PIK3CG: variants seen among roughly 807,000 people sequenced by gnomAD.
PIK3CG encodes phosphatidylinositol 4,5-bisphosphate 3-kinase catalytic subunit gamma isoform.
A neutral mutation model predicts 102.3 loss-of-function variants in PIK3CG; 55 were observed. The observed-to-expected ratio is 0.54, with a 90% confidence interval of 0.43 to 0.67. The LOEUF (loss-of-function observed/expected upper bound fraction) is 0.67. PIK3CG is among the 30% of genes least tolerant of loss of function. The probability of loss-of-function intolerance (pLI) is 0.00; values close to 1 mark genes in which losing one functional copy is unlikely to be tolerated. For synonymous variants in PIK3CG, 552 were observed against 540.0 expected, an observed-to-expected ratio of 1.02 and a Z score of -0.31; for missense variants, 1,258 against 1,391.8, an observed-to-expected ratio of 0.90 and a Z score of 1.53.
rs1011813157 is a variant in PIK3CG, at chr7:106,867,433, C to T, written c.-12-117C>T. The T allele has an allele frequency of 4.4e-6, 4 of 905,020 alleles. No homozygotes were observed. The Admixed American group carries it at 9.8e-5, about 22-fold the overall frequency. The allele number at this position is 905,020 out of a possible 1,614,324, so 56.1% of individuals were successfully genotyped here. On this transcript the variant is annotated intron_variant, in intron 1 of 10. Coordinates refer to ENST00000496166, the MANE Select transcript of PIK3CG (RefSeq NM_001282426.2). The surrounding 1 kb of genome is among the most constrained non-coding windows in gnomAD (Gnocchi z 5.1). ...TGCTTCCAGTTTAAAATACTTGGTCCCTCTGGGTCCCTGTGCACATGTACG... is the reference window on the plus strand; with the variant it reads ...TGCTTCCAGTTTAAAATACTTGGTCTCTCTGGGTCCCTGTGCACATGTACG...
chr7:106,874,880 TAA>T lies in PIK3CG; in HGVS notation c.2391+80_2391+81del, dbSNP rs1790674686. On this transcript the variant is annotated intron_variant, in intron 5 of 10. Transcript: ENST00000496166. This position sits in a 1 kb window ranked among gnomAD's most constrained non-coding sequence, Gnocchi z 4.3. ...AACGTGCTTGCTGGGGCCCAGTACTTAAAAGCTAATGTTTATGCAGAGACAGG... is the reference window on the plus strand; with the variant it reads ...AACGTGCTTGCTGGGGCCCAGTACTTAAGCTAATGTTTATGCAGAGACAGG... The T allele has an allele frequency of 3.4e-6, 3 of 890,508 alleles. No individual in the cohort carries two copies. The East Asian group carries it at 7.4e-5, about 22-fold the overall frequency. The allele number at this position is 890,508 out of a possible 1,614,324, so 55.2% of individuals were successfully genotyped here. A position where few individuals can be genotyped will look rare whatever the true frequency, so the allele number is the denominator to read the frequency against.
At position 106,869,995 on chromosome 7, in the gene PIK3CG, G is replaced by A. The variant is rs1232787894; in HGVS notation, c.1995+439G>A. On this transcript the variant is annotated intron_variant, in intron 2 of 10. Coordinates refer to ENST00000496166, the MANE Select transcript of PIK3CG (RefSeq NM_001282426.2). This position sits in a 1 kb window ranked among gnomAD's most constrained non-coding sequence, Gnocchi z 5.3. ...GGAAACTGAGGTACAAAGAGGCTAA[G>A]TAATGTGCCCAAGGTCACATACTTT... Among the ~76,000 whole-genome samples, 1 of 152,176 alleles carries A rather than the reference G, an allele frequency of 6.6e-6. No homozygotes were observed. Among genetic ancestry groups the A allele is most frequent in the Admixed American group, 6.5e-5 (1 of 15,280 alleles).
At position 106,883,252 on chromosome 7, in the gene PIK3CG, C is replaced by T. The variant is rs2116547644; in HGVS notation, c.2760+89C>T. On this transcript the variant is annotated intron_variant, in intron 8 of 10. Transcript: ENST00000496166. The surrounding 1 kb of genome is among the most constrained non-coding windows in gnomAD (Gnocchi z 5.8). ...GGCTTCAAGTTTTCAGAGAATCTGC[C>T]AGTGTCTTGCCTCCTGACATATTAG... 1 of 1,361,196 alleles carries T rather than the reference C, an allele frequency of 7.3e-7. No homozygotes were observed. The allele number at this position is 1,361,196 out of a possible 1,614,324, so 84.3% of individuals were successfully genotyped here.
chr7:106,876,882 G>T (rs1220816553), intron 5 of PIK3CG, among the ~76,000 whole-genome samples: 2 of 152,030 alleles, frequency 1.3e-5, no homozygotes, highest in Non-Finnish European at 2.9e-5. Flanking sequence ...TAAATGGTTT[G>T]TGCTTTTAGT....
Position 106,884,977 on chromosome 7 carries a change from T to C in PIK3CG, c.2872+711T>C, listed in dbSNP as rs140402499. On this transcript the variant is annotated intron_variant, in intron 9 of 10. Transcript: ENST00000496166. The surrounding 1 kb of genome is among the most constrained non-coding windows in gnomAD (Gnocchi z 4.2). ...CGTGCACAGTTCACAATAGGGTTTG[T>C]GTTCCTATGAGAATCTAATGCTGCA... 3.9e-5 allele frequency among the ~76,000 whole-genome samples: 6 copies of C among 152,302 alleles called. No individual in the cohort carries two copies. Among genetic ancestry groups the C allele is most frequent in the African/African-American group, 1.4e-4 (6 of 41,550 alleles).
intron 5 of PIK3CG, among the ~76,000 whole-genome samples, chr7:106,876,027 G>T (rs1790723966): frequency 1.4e-5 from 2 of 147,450 alleles, no homozygotes; most frequent in Admixed American, 6.9e-5. Flanking sequence ...CCATTCTCCT[G>T]CCTCAGCCTC....
Position 106,866,963 on chromosome 7 carries a change from G to A in PIK3CG, c.-12-587G>A, listed in dbSNP as rs544184620. Reference sequence around the variant, plus strand: ...GGGTGAGGTGTCTGGGTTCCAAGAAGTGTGAGACTTAACAAAGAGGAAGTA... The same window carrying A: ...GGGTGAGGTGTCTGGGTTCCAAGAAATGTGAGACTTAACAAAGAGGAAGTA... On this transcript the variant is annotated intron_variant, in intron 1 of 10. Coordinates refer to ENST00000496166, the MANE Select transcript of PIK3CG (RefSeq NM_001282426.2). Among the ~76,000 whole-genome samples the A allele has an allele frequency of 1.1e-3, 173 of 152,310 alleles. 1 individual carries two copies. Among genetic ancestry groups the A allele is most frequent in the African/African-American group, 3.8e-3 (160 of 41,560 alleles).
intron 10 of PIK3CG, 48 bp downstream of exon 10, chr7:106,886,340 G>A (rs1172189492): frequency 5.6e-6 from 9 of 1,596,748 alleles, no homozygotes; most frequent in Non-Finnish European, 7.7e-6. Flanking sequence ...CGAAGCAGAT[G>A]GTTCCTGCAG....
chr7:106,882,445 T>C (rs1790968877), intron 7 of PIK3CG: 1 of 305,530 alleles, frequency 3.3e-6, no homozygotes, highest in Non-Finnish European at 5.9e-6. Context: ...TAAGAACTTG[T>C]TCCCTCCTCT....
At chr7:106,870,820 T>G (rs998442428) in intron 2 of PIK3CG, among the ~76,000 whole-genome samples, 1 of 152,212 alleles carries the variant, frequency 6.6e-6, no homozygotes. Flanking sequence ...AACATTACAT[T>G]TGGCTTTGTT....
In PIK3CG at chr7:106,902,596, T is replaced by A. The variant is rs1488140188; in HGVS notation, c.3031-2513T>A. The stretch of plus-strand genomic sequence containing the variant: ...GTAAATTTTCCATCTCATTTTAAGT[T>A]ACTTTTTTTAATATTAATGAAGTTG... On this transcript the variant is annotated intron_variant, in intron 10 of 10. Coordinates refer to ENST00000496166, the MANE Select transcript of PIK3CG (RefSeq NM_001282426.2). The surrounding 1 kb of genome is among the most constrained non-coding windows in gnomAD (Gnocchi z 4.3). Among the ~76,000 whole-genome samples, 1 of 152,080 alleles carries A rather than the reference T, an allele frequency of 6.6e-6. No homozygotes were observed. Among genetic ancestry groups the A allele is most frequent in the African/African-American group, 2.4e-5 (1 of 41,416 alleles).
chr7:106,881,265 T>C (rs1020376727), intron 6 of PIK3CG, among the ~76,000 whole-genome samples: 4 of 152,146 alleles, frequency 2.6e-5, no homozygotes, highest in African/African-American at 9.7e-5. Flanking sequence ...TTGGGGCACA[T>C]AGTTTGGCAG....
chr7:106,901,993 C>T (rs927573237), intron 10 of PIK3CG, among the ~76,000 whole-genome samples: 3 of 152,188 alleles, frequency 2.0e-5, no homozygotes, highest in African/African-American at 7.2e-5. Context: ...TTCTCTCCCC[C>T]TTGAGTGCTG....
rs1474831295 is a variant in PIK3CG, at chr7:106,880,741, C to T, written c.2538+1076C>T. Among the ~76,000 whole-genome samples, 2 of 151,986 alleles carry T rather than the reference C, an allele frequency of 1.3e-5. No homozygotes were observed. Among genetic ancestry groups the T allele is most frequent in the Non-Finnish European group, 2.9e-5 (2 of 68,026 alleles). On this transcript the variant is annotated intron_variant, in intron 6 of 10. Transcript: ENST00000496166. The surrounding 1 kb of genome is among the most constrained non-coding windows in gnomAD (Gnocchi z 4.2). ...TCGCCCAGGTTGGAATACAGTGGCA[C>T]GATCACAGCCCACTGCAGCCTCAAA...
rs550682178 is a variant in PIK3CG at position 106,875,077 on chromosome 7, G to A, written c.2391+274G>A. ...AAAATGTAGAATTCAGGGAACAGGC[G>A]CGGTAGCTCACGCCTGTAATCCCAG... On this transcript the variant is annotated intron_variant, in intron 5 of 10. Coordinates refer to ENST00000496166, the MANE Select transcript of PIK3CG (RefSeq NM_001282426.2). 2.8e-3 allele frequency among the ~76,000 whole-genome samples: 420 copies of A among 152,222 alleles called. 5 individuals are homozygous for A. Among genetic ancestry groups the A allele is most frequent in the African/African-American group, 8.8e-3 (366 of 41,532 alleles).
At chr7:106,885,719 C>T (rs1013989810) in intron 9 of PIK3CG, among the ~76,000 whole-genome samples, 3 of 151,926 alleles carry the variant, frequency 2.0e-5, no homozygotes, top group East Asian at 1.9e-4. Flanking sequence ...ATGGTATGGC[C>T]GTAGATGGCT....
At chr7:106,870,225 A>C (rs931347411) in intron 2 of PIK3CG, among the ~76,000 whole-genome samples, 4 of 152,194 alleles carry the variant, frequency 2.6e-5, no homozygotes, top group Admixed American at 1.3e-4. Flanking sequence ...AGAGTCTTGA[A>C]AGCTCCTCTC....
chr7:106,889,986 C>T (rs1014979362), intron 10 of PIK3CG, among the ~76,000 whole-genome samples: 2 of 152,260 alleles, frequency 1.3e-5, no homozygotes, highest in African/African-American at 4.8e-5. Flanking sequence ...AAATTCTCCA[C>T]AGAAAAATCT....
intron 2 of PIK3CG, among the ~76,000 whole-genome samples, chr7:106,870,231 C>G (rs1790486111): frequency 6.6e-6 from 1 of 152,188 alleles, no homozygotes. Flanking sequence ...TTGAAAGCTC[C>G]TCTCTGCAGA....
Sources: allele counts gnomAD v4.1 joint callset (sites outside exome capture counted in the v4.1 genomes callset), GRCh38; gene constraint gnomAD v4.1.1; non-coding constraint Gnocchi (gnomAD v3.1); transcripts MANE v1.5; gene names NCBI Gene and HGNC (gene_info 2026-07-23, HGNC 2026-07-21).